TEAD1: variants seen among roughly 807,000 people sequenced by gnomAD.
TEAD1 encodes the protein TEA domain transcription factor 1.
A neutral mutation model predicts 54.9 loss-of-function variants in TEAD1; 9 were observed. The observed-to-expected ratio is 0.16, with a 90% CI of 0.10 to 0.29. The LOEUF (loss-of-function observed/expected upper bound fraction) is 0.29, where lower values mean the gene tolerates loss of function less well. Among genes scored for constraint, TEAD1 ranks in the 10% least tolerant of loss-of-function variants. The pLI is 1.00. For missense variants in TEAD1, 387 were observed against 535.9 expected (o/e 0.72, Z 2.74); for synonymous variants, 200 against 187.8 (o/e 1.07, Z -0.53).
chr11:12,726,811 C>T (rs962859386), intron 2 of TEAD1, among the ~76,000 whole-genome samples: 1 of 151,984 alleles, frequency 6.6e-6, no homozygotes, highest in Admixed American at 6.6e-5. Context: ...GCATTACAGC[C>T]TGGGTGACAG....
intron 2 of TEAD1, among the ~76,000 whole-genome samples, chr11:12,679,068 C>T (rs369143370): frequency 2.6e-5 from 4 of 151,950 alleles, no homozygotes; most frequent in Non-Finnish European, 5.9e-5. Context: ...TCCAATAGTC[C>T]GGGAGTCTTG....
chr11:12,824,954 G>A (rs1190114992), intron 3 of TEAD1, among the ~76,000 whole-genome samples: 1 of 152,136 alleles, frequency 6.6e-6, no homozygotes, highest in Non-Finnish European at 1.5e-5. Context: ...TATTTGTTAT[G>A]AGTAATTTTA....
chr11:12,842,146 CATT>C (rs555890053), intron 3 of TEAD1, among the ~76,000 whole-genome samples: 154 of 152,276 alleles, frequency 1.0e-3, no homozygotes, highest in African/African-American at 3.3e-3. Flanking sequence ...TGTCATAACA[CATT>C]ATAATATTAC....
intron 3 of TEAD1, among the ~76,000 whole-genome samples, chr11:12,827,515 A>G (rs2134012280): frequency 6.6e-6 from 1 of 152,330 alleles, no homozygotes; most frequent in East Asian, 1.9e-4. Flanking sequence ...GAAAAGTAAG[A>G]CCCAGATAAG....
chr11:12,761,094 A>C (rs1945094470), intron 2 of TEAD1, among the ~76,000 whole-genome samples: 1 of 152,208 alleles, frequency 6.6e-6, no homozygotes, highest in Non-Finnish European at 1.5e-5. Context: ...CTTTGCAGTA[A>C]ACGAATAAAA....
chr11:12,684,843 ACT>A (rs1943300843), intron 2 of TEAD1, among the ~76,000 whole-genome samples: 2 of 151,998 alleles, frequency 1.3e-5, no homozygotes, highest in Non-Finnish European at 2.9e-5. Context: ...AATAATTCAC[ACT>A]CATGTGAATG....
chr11:12,936,968 G>A, intron 12 of TEAD1, 141 bp from the exon 13 acceptor site: 1 of 643,910 alleles, frequency 1.6e-6, no homozygotes, highest in Non-Finnish European at 2.8e-6. Context: ...CTGAATCTGT[G>A]TTAGAGGACA....
chr11:12,727,661 A>G (rs1317383833), intron 2 of TEAD1, among the ~76,000 whole-genome samples: 1 of 152,236 alleles, frequency 6.6e-6, no homozygotes, highest in Non-Finnish European at 1.5e-5. Flanking sequence ...AAACCTGGCC[A>G]GTTATAAAAT....
intron 3 of TEAD1, among the ~76,000 whole-genome samples, chr11:12,768,688 G>C (rs991762919): frequency 6.6e-6 from 1 of 152,194 alleles, no homozygotes; most frequent in African/African-American, 2.4e-5. Flanking sequence ...TCAGTATTGA[G>C]CCCCAGCGCA....
At chr11:12,872,147 A>T (rs187439666) in intron 5 of TEAD1, among the ~76,000 whole-genome samples, 3 of 152,226 alleles carry the variant, frequency 2.0e-5, no homozygotes, top group Non-Finnish European at 2.9e-5. Flanking sequence ...TCACTGGGGC[A>T]TTGCTAAAGT....
At chr11:12,683,451 C>T (rs533271900) in intron 2 of TEAD1, among the ~76,000 whole-genome samples, 2 of 151,988 alleles carry the variant, frequency 1.3e-5, no homozygotes, top group Admixed American at 1.3e-4. Flanking sequence ...CCTTATGTAA[C>T]ATCAGAATAA....
chr11:12,825,283 ACT>A (rs1241227344), intron 3 of TEAD1, among the ~76,000 whole-genome samples: 6 of 151,986 alleles, frequency 3.9e-5, no homozygotes, highest in African/African-American at 1.5e-4. Flanking sequence ...AAGAAAGAAA[ACT>A]CTCTTTATTT....
rs142904864 is a variant in TEAD1, at chr11:12,738,341, T to G, written c.-54-25838T>G. ...GATAAAAATTTAGCATCAATAAATA[T>G]TTAGCAGCCTTGAAGAATGTTTTCT... On this transcript the variant is annotated intron_variant, in intron 2 of 12. Coordinates refer to ENST00000527636, the MANE Select transcript of TEAD1 (RefSeq NM_021961.6). Among the ~76,000 whole-genome samples, 641 of 152,300 alleles carry G rather than the reference T, an allele frequency of 4.2e-3. 4 individuals carry two copies. Among genetic ancestry groups the G allele is most frequent in the African/African-American group, 0.015 (618 of 41,564 alleles).
intron 3 of TEAD1, among the ~76,000 whole-genome samples, chr11:12,771,255 CT>C (rs2133935196): frequency 1.3e-5 from 2 of 152,280 alleles, no homozygotes; most frequent in East Asian, 3.9e-4. Context: ...GCCAAGGTGC[CT>C]GGCACTCATC....
intron 9 of TEAD1, among the ~76,000 whole-genome samples, chr11:12,895,330 G>T (rs961713056): frequency 6.6e-6 from 1 of 152,144 alleles, no homozygotes. Flanking sequence ...AAGAGAAAAT[G>T]GACATTTCTC....
At chr11:12,823,542 C>T (rs1260382745) in intron 3 of TEAD1, 1 of 152,138 alleles carries the variant, frequency 6.6e-6, no homozygotes, top group African/African-American at 2.4e-5. Context: ...TTTTTCTTTC[C>T]ATCTGGCACA....
chr11:12,866,268 TTAA>T (rs1464411515), intron 5 of TEAD1, among the ~76,000 whole-genome samples: 1 of 152,246 alleles, frequency 6.6e-6, no homozygotes, highest in Admixed American at 6.5e-5. Context: ...AGCTAATGAA[TTAA>T]TGATGTACAA....
intron 2 of TEAD1, among the ~76,000 whole-genome samples, chr11:12,747,014 C>T (rs1341839487): frequency 6.6e-6 from 1 of 152,186 alleles, no homozygotes; most frequent in Non-Finnish European, 1.5e-5. Context: ...ACCAGGTAGT[C>T]AGGGTGTTTG....
chr11:12,805,944 C>A (rs921079068), intron 3 of TEAD1, among the ~76,000 whole-genome samples: 1 of 152,074 alleles, frequency 6.6e-6, no homozygotes, highest in African/African-American at 2.4e-5. Flanking sequence ...AATTGACAGA[C>A]TGGTTTATCG....
Sources: gnomAD v4.1 joint callset for allele counts (sites outside exome capture counted in the v4.1 genomes callset) on GRCh38, gnomAD v4.1.1 for gene constraint, MANE v1.5 for transcripts, NCBI Gene and HGNC (gene_info 2026-07-23, HGNC 2026-07-21) for gene names.